The following GALK1 variants were observed in gnomAD, a reference collection of about 807,000 sequenced individuals.
GALK1 encodes galactokinase 1.
In GALK1, 30 loss-of-function variants were observed where a neutral mutation model predicts 38.6. That is an observed-to-expected ratio of 0.78 (90% CI 0.58 to 1.05). GALK1 has a LOEUF of 1.05. Ranked by LOEUF, GALK1 falls within the 50% of genes least tolerant of loss-of-function variation. The probability of loss-of-function intolerance (pLI) is 0.00; values close to 1 mark genes in which losing one functional copy is unlikely to be tolerated. For missense variants in GALK1, 512 were observed against 540.5 expected (o/e 0.95, Z 0.52); for synonymous variants, 240 against 233.6 (o/e 1.03, Z -0.25).
chr17:75,762,731 G>A lies in GALK1; in HGVS notation c.766C>T (p.Arg256Trp), dbSNP rs376790302. 240 of 1,613,786 alleles carry A rather than the reference G, an allele frequency of 1.5e-4. No individual in the cohort carries two copies. The highest frequency in any genetic ancestry group is 9.9e-4 in the South Asian group (90 of 91,078). ...VARALGKESL[R>W]EVQLEELEAA... ...TCTAGCTCTTCCAGTTGTACCTCCCGGAGGCTTTCCTTGCCCAGCGCCCGG... is the reference window on the plus strand; with the variant it reads ...TCTAGCTCTTCCAGTTGTACCTCCCAGAGGCTTTCCTTGCCCAGCGCCCGG... Residue 256 changes from arginine to tryptophan, a missense_variant, in exon 5 of 8, where the codon CGG (arginine) becomes TGG (tryptophan). Transcript: ENST00000588479.
downstream of GALK1, chr17:75,755,131 G>T (rs768939865): frequency 1.2e-5 from 20 of 1,611,486 alleles, no homozygotes; most frequent in Non-Finnish European, 1.6e-5. Flanking sequence ...GTCGGGCTCA[G>T]ATGAAAGGGT....
chr17:75,757,016 C>T (rs376733146), downstream of GALK1: 123 of 1,612,938 alleles, frequency 7.6e-5, no homozygotes, highest in Middle Eastern at 3.3e-4. Flanking sequence ...TCAGCGAGAA[C>T]GTGCCCTACA....
chr17:75,752,079 A>G (rs1236232191), intron 8 of GALK1: 2 of 1,360,796 alleles, frequency 1.5e-6, no homozygotes, highest in Non-Finnish European at 2.1e-6. Context: ...CCTGGGTGCC[A>G]TCCAGGGGAT....
chr17:75,757,531 G>A (rs2061548790), downstream of GALK1: 2 of 1,613,422 alleles, frequency 1.2e-6, no homozygotes, highest in Non-Finnish European at 1.7e-6. Flanking sequence ...GCACCCACAT[G>A]GACCAACAGT....
downstream of GALK1, chr17:75,757,058 CT>C: frequency 6.2e-7 from 1 of 1,612,922 alleles, no homozygotes; most frequent in Non-Finnish European, 8.5e-7. Context: ...CCACTGAGGG[CT>C]TCGGGCCAGA....
intron 1 of GALK1, 144 bp downstream of exon 1, chr17:75,764,828 C>G: frequency 1.1e-6 from 1 of 886,496 alleles, no homozygotes; most frequent in Non-Finnish European, 1.8e-6. Context: ...CCCGGGGACT[C>G]TTCCGTGCAC....
chr17:75,753,786 C>T, downstream of GALK1: 2 of 1,454,358 alleles, frequency 1.4e-6, no homozygotes, highest in Non-Finnish European at 9.1e-7. Context: ...AAGTTCGAGC[C>T]CCTGCTGGGG....
downstream of GALK1, chr17:75,757,380 C>A (rs201274568): frequency 2.4e-5 from 39 of 1,612,878 alleles, no homozygotes; most frequent in Non-Finnish European, 3.1e-5. Context: ...AAGGGCAGAC[C>A]CCAAGCCAGG....
chr17:75,753,220 C>A (rs1044425827), downstream of GALK1, among the ~76,000 whole-genome samples: 1 of 152,244 alleles, frequency 6.6e-6, no homozygotes, highest in Non-Finnish European at 1.5e-5. Context: ...TCAAGCTGCC[C>A]CCGGTGAACA....
downstream of GALK1, chr17:75,756,341 G>T: frequency 1.4e-6 from 2 of 1,461,298 alleles, no homozygotes; most frequent in Admixed American, 3.4e-5. Flanking sequence ...TGATAACTAG[G>T]TCTCGATGGC....
At chr17:75,754,981 G>T (rs368024960), downstream of GALK1, 2 of 1,529,032 alleles carry the variant, frequency 1.3e-6, no homozygotes, top group Admixed American at 1.8e-5. Context: ...CATGTACACA[G>T]ACATGCATGC....
chr17:75,762,825 G>A lies in GALK1; in HGVS notation c.672C>T (p.Asn224=), dbSNP rs981970282. The change falls in exon 5 of 8, where the codon AAC becomes AAT. Residue 224 remains asparagine, a synonymous_variant. Coordinates refer to ENST00000588479, the MANE Select transcript of GALK1 (RefSeq NM_000154.2). ...SDPKLAVLIT[N]SNVRHSLASS... ...AGGCCAGGGAGTGGCGGACATTAGA[G>A]TTGGTGATGAGCACGGCCAGCTTGG... is the stretch of plus-strand genomic sequence containing the variant. 1.2e-6 allele frequency: 2 copies of A among 1,613,794 alleles called. No individual in the cohort carries two copies. Among genetic ancestry groups the A allele is most frequent in the Admixed American group, 1.7e-5 (1 of 60,028 alleles).
intron 1 of GALK1, chr17:75,764,310 T>C: frequency 6.7e-6 from 5 of 750,948 alleles, no homozygotes; most frequent in African/African-American, 1.7e-5. Context: ...AGCACAGACC[T>C]GGACTCTGCC....
At chr17:75,756,905 A>T (rs202126187), downstream of GALK1, 437 of 1,611,956 alleles carry the variant, frequency 2.7e-4, no homozygotes, top group Non-Finnish European at 3.4e-4. Flanking sequence ...AGGGGTAAAG[A>T]GGGGGCCGCA....
At chr17:75,755,290 C>A (rs1599317199), downstream of GALK1, 2 of 1,443,670 alleles carry the variant, frequency 1.4e-6, no homozygotes, top group Non-Finnish European at 1.9e-6. Flanking sequence ...CAGCCGCCAG[C>A]TGTGCCCACT....
In GALK1 at chr17:75,752,612, G is replaced by C. The variant is rs768563014; in HGVS notation, c.*23-875C>G. ...GACCTGGGACCCACAAGAGGACAGT[G>C]GGGGTCTTGGGTACAGAGTGAGTCC... On this transcript the variant is annotated intron_variant, in intron 8 of 8. Transcript: ENST00000225614. 7.4e-6 allele frequency: 12 copies of C among 1,612,414 alleles called. No individual in the cohort carries two copies. In the Admixed American group the frequency reaches 2.0e-4, roughly 27 times the overall value.
chr17:75,752,221 C>A (rs121912467), intron 8 of GALK1: 4 of 1,613,778 alleles, frequency 2.5e-6, no homozygotes, highest in Non-Finnish European at 3.4e-6. Context: ...CCCTAAGAAC[C>A]GGATGCTGCT....
chr17:75,764,660 C>A, intron 1 of GALK1: 1 of 520,144 alleles, frequency 1.9e-6, no homozygotes. Flanking sequence ...TCCCCTTCTG[C>A]GTGGCACACA....
chr17:75,764,804 G>A (rs1175726897), intron 1 of GALK1, 168 bp downstream of exon 1: 3 of 739,094 alleles, frequency 4.1e-6, no homozygotes, highest in East Asian at 2.7e-5. Flanking sequence ...CTTCCAACGT[G>A]GGGAACAGCC....
Sources: allele counts gnomAD v4.1 joint callset (sites outside exome capture counted in the v4.1 genomes callset), GRCh38; gene constraint gnomAD v4.1.1; transcripts MANE v1.5; gene names NCBI Gene and HGNC (gene_info 2026-07-23, HGNC 2026-07-21).